The following EFL1 variants were observed in gnomAD, a reference collection of about 807,000 sequenced individuals.
The protein encoded by EFL1 is elongation factor like GTPase 1.
In EFL1, 76 loss-of-function variants were observed where a neutral mutation model predicts 126.7. The ratio of observed to expected loss-of-function variants is 0.60; its 90% CI spans 0.50 to 0.73. The LOEUF is 0.73. EFL1 is among the 30% of genes least tolerant of loss of function. The probability of loss-of-function intolerance (pLI) is 0.00; values close to 1 mark genes in which losing one functional copy is unlikely to be tolerated. For missense variants in EFL1, 1,128 were observed against 1,343.2 expected, an observed-to-expected ratio of 0.84 and a Z score of 2.50; for synonymous variants, 410 against 448.4, an observed-to-expected ratio of 0.91 and a Z score of 1.08.
At chr15:82,244,097 T>G (rs1567077328) in intron 4 of EFL1, among the ~76,000 whole-genome samples, 1 of 152,148 alleles carries the variant, frequency 6.6e-6, no homozygotes, top group Non-Finnish European at 1.5e-5. Flanking sequence ...GGCTCAGCTC[T>G]GAGCCAGGCC....
intron 3 of EFL1, among the ~76,000 whole-genome samples, chr15:82,253,401 A>G (rs1168775325): frequency 1.3e-5 from 2 of 150,592 alleles, no homozygotes; most frequent in Non-Finnish European, 3.0e-5. Flanking sequence ...GATTGAGGGG[A>G]AGGGAACATG....
chr15:82,262,276 A>G (rs2075132379), intron 1 of EFL1: 2 of 155,372 alleles, frequency 1.3e-5, no homozygotes, highest in South Asian at 2.0e-4. Context: ...ATTCCTGCCC[A>G]TGGAGCCCGA....
In EFL1 at chr15:82,136,073, C is replaced by A. The variant is rs149369919; in HGVS notation, c.3174+2585G>T. The stretch of plus-strand genomic sequence containing the variant: ...CCTGCTTCCTAACTAATATATCTGA[C>A]AACTAAGAAATGAAGGGAACTTTAT... On this transcript the variant is annotated intron_variant, in intron 19 of 19. Transcript: ENST00000268206. Among the ~76,000 whole-genome samples the A allele has an allele frequency of 3.0e-3, 447 of 151,346 alleles. 3 individuals carry two copies. Among genetic ancestry groups the A allele is most frequent in the African/African-American group, 0.01 (428 of 41,192 alleles).
intron 3 of EFL1, among the ~76,000 whole-genome samples, chr15:82,253,695 T>A (rs1463130165): frequency 2.0e-5 from 3 of 152,178 alleles, no homozygotes; most frequent in African/African-American, 7.2e-5. Context: ...TTTGAATACA[T>A]CTTTTTTAAA....
chr15:82,220,310 A>C, intron 12 of EFL1, 81 bp from the exon 13 acceptor site: 1 of 1,491,550 alleles, frequency 6.7e-7, no homozygotes, highest in Non-Finnish European at 8.9e-7. Context: ...GCTGGGTAAG[A>C]TGAAGATTGG....
chr15:82,166,961 C>T (rs2074085838), intron 15 of EFL1, among the ~76,000 whole-genome samples: 1 of 152,188 alleles, frequency 6.6e-6, no homozygotes, highest in Non-Finnish European at 1.5e-5. Context: ...AGTATGTTCC[C>T]TCCGGGTAAT....
Position 82,151,671 on chromosome 15 carries a change from T to C in EFL1, c.2783A>G (p.Gln928Arg). 1 of 1,614,184 alleles carries C rather than the reference T, an allele frequency of 6.2e-7. No individual in the cohort carries two copies. The highest frequency in any genetic ancestry group is 8.5e-7 in the Non-Finnish European group (1 of 1,180,032). ...NETCSGGNENQELQDGCSEAF... is the reference protein window; with the variant it reads ...NETCSGGNENRELQDGCSEAF... ...CTCAGAGCAGCCATCTTGTAGCTCT[T>C]GGTTTTCATTTCCACCAGAACAGGT... Residue 928 changes from glutamine (Q) to arginine (R), a missense_variant, in exon 18 of 20, where the codon CAA becomes CGA. Transcript: ENST00000268206.
intron 15 of EFL1, among the ~76,000 whole-genome samples, chr15:82,167,551 G>A (rs920626814): frequency 6.6e-6 from 1 of 152,092 alleles, no homozygotes; most frequent in Admixed American, 6.6e-5. Context: ...AATTGTGTGA[G>A]GCTTGAGAGA....
At position 82,185,831 on chromosome 15, in the gene EFL1, G is replaced by A. The variant is rs1388979825; in HGVS notation, c.1751-21847C>T. Among the ~76,000 whole-genome samples the A allele has an allele frequency of 5.3e-5, 8 of 152,086 alleles. 1 individual carries two copies. The highest frequency in any genetic ancestry group is 4.1e-4 in the South Asian group (2 of 4,838). On this transcript the variant is annotated intron_variant, in intron 15 of 19. Coordinates refer to ENST00000268206, the MANE Select transcript of EFL1 (RefSeq NM_024580.6). ...TTTTTTCCCTAGAAAATCAAGGGGC[G>A]TATTTGCATATGGAAATTAATTAGC... is the stretch of plus-strand genomic sequence containing the variant.
chr15:82,204,465 G>C (rs1387557523), intron 15 of EFL1, among the ~76,000 whole-genome samples: 2 of 151,852 alleles, frequency 1.3e-5, no homozygotes, highest in African/African-American at 4.8e-5. Context: ...ATTTATGGGC[G>C]TAAGAGAGTA....
chr15:82,188,188 T>C (rs768594566), intron 15 of EFL1, among the ~76,000 whole-genome samples: 1 of 152,186 alleles, frequency 6.6e-6, no homozygotes, highest in Non-Finnish European at 1.5e-5. Context: ...TTTCAAACTT[T>C]GAACTGCTTT....
chr15:82,226,688 A>C (rs748006195), intron 11 of EFL1, among the ~76,000 whole-genome samples: 2 of 152,224 alleles, frequency 1.3e-5, no homozygotes, highest in African/African-American at 2.4e-5. Context: ...CATGCTCTGA[A>C]GACACATAAT....
chr15:82,171,471 G>A (rs192660162), intron 15 of EFL1, among the ~76,000 whole-genome samples: 2 of 152,200 alleles, frequency 1.3e-5, no homozygotes, highest in African/African-American at 2.4e-5. Flanking sequence ...AGGCCTATTC[G>A]GTAAACAGCA....
intron 19 of EFL1, among the ~76,000 whole-genome samples, chr15:82,133,400 C>A (rs1469260902): frequency 6.6e-6 from 1 of 152,236 alleles, no homozygotes; most frequent in Non-Finnish European, 1.5e-5. Flanking sequence ...CTAGATTTGT[C>A]TGGCTCCAAA....
chr15:82,259,008 G>A (rs2141345540), intron 3 of EFL1, 80 bp downstream of exon 3: 3 of 1,304,582 alleles, frequency 2.3e-6, no homozygotes, highest in Non-Finnish European at 3.3e-6. Flanking sequence ...TTGGATGGCT[G>A]AAGAACACAG....
intron 6 of EFL1, among the ~76,000 whole-genome samples, chr15:82,239,625 A>G (rs559252673): frequency 3.3e-5 from 5 of 152,174 alleles, no homozygotes; most frequent in Non-Finnish European, 5.9e-5. Context: ...TCTAAATCCT[A>G]TATCCTTTTT....
intron 15 of EFL1, among the ~76,000 whole-genome samples, chr15:82,178,506 T>C (rs1461826405): frequency 1.3e-5 from 2 of 152,194 alleles, no homozygotes; most frequent in African/African-American, 4.8e-5. Context: ...GAAAAAGGCA[T>C]TGTGGTGACC....
chr15:82,164,893 C>A (rs2074062205), intron 15 of EFL1, among the ~76,000 whole-genome samples: 1 of 136,032 alleles, frequency 7.4e-6, no homozygotes. Context: ...CGAGATTCCA[C>A]CTCAAAAAAA....
intron 15 of EFL1, among the ~76,000 whole-genome samples, chr15:82,211,595 G>GACACAC (rs10543301): frequency 1.5e-4 from 16 of 105,808 alleles, no homozygotes; most frequent in East Asian, 4.8e-4. Flanking sequence ...ACACATACTA[G>GACACAC]ACACACACAC....
Sources: gnomAD v4.1 joint callset for allele counts (sites outside exome capture counted in the v4.1 genomes callset) on GRCh38, gnomAD v4.1.1 for gene constraint, MANE v1.5 for transcripts, NCBI Gene and HGNC (gene_info 2026-07-23, HGNC 2026-07-21) for gene names.